The following GRID2 variants were observed in gnomAD, a reference collection of about 807,000 sequenced individuals.
The protein encoded by GRID2 is glutamate ionotropic receptor delta type subunit 2, also known as glutamate receptor ionotropic, delta-2.
In GRID2, 33 loss-of-function variants were observed where a neutral mutation model predicts 114.8. The ratio of observed to expected loss-of-function variants is 0.29; its 90% CI spans 0.22 to 0.38. The LOEUF (loss-of-function observed/expected upper bound fraction) is 0.38. Ranked by LOEUF, GRID2 falls within the 10% of genes least tolerant of loss-of-function variation. GRID2 has a pLI of 1.00. For synonymous variants in GRID2, 505 were observed against 449.9 expected (o/e 1.12, Z -1.55); for missense variants, 1,184 against 1,257.7 (o/e 0.94, Z 0.89).
At chr4:92,510,804 G>T (rs1018195238) in intron 1 of GRID2, among the ~76,000 whole-genome samples, 1 of 149,200 alleles carries the variant, frequency 6.7e-6, no homozygotes, top group South Asian at 2.1e-4. Flanking sequence ...GCATATATAC[G>T]TATTAAAACA....
chr4:92,714,423 A>G (rs953815952), intron 2 of GRID2, among the ~76,000 whole-genome samples: 2 of 152,152 alleles, frequency 1.3e-5, no homozygotes, highest in Non-Finnish European at 2.9e-5. Flanking sequence ...GTGGTCTACC[A>G]TTCTGGGGTC....
intron 4 of GRID2, among the ~76,000 whole-genome samples, chr4:93,202,944 A>G (rs1226336209): frequency 2.6e-5 from 4 of 152,078 alleles, no homozygotes; most frequent in African/African-American, 7.2e-5. Flanking sequence ...CTGAATATAT[A>G]TATATCATAC....
chr4:93,468,258 AGG>A (rs1724480221), intron 11 of GRID2, among the ~76,000 whole-genome samples: 2 of 152,322 alleles, frequency 1.3e-5, no homozygotes, highest in Non-Finnish European at 1.5e-5. Flanking sequence ...GTAATGTGCC[AGG>A]CACTATTCAA....
chr4:93,140,252 G>A (rs1197835016), intron 4 of GRID2, among the ~76,000 whole-genome samples: 1 of 146,684 alleles, frequency 6.8e-6, no homozygotes, highest in Non-Finnish European at 1.5e-5. Flanking sequence ...TACGCCTCCC[G>A]GGTTCACGCC....
intron 8 of GRID2, among the ~76,000 whole-genome samples, chr4:93,307,683 T>C (rs1755576881): frequency 6.6e-6 from 1 of 152,142 alleles, no homozygotes; most frequent in Admixed American, 6.5e-5. Context: ...ACCCGAAATA[T>C]AACTTAAATT....
chr4:92,549,243 G>A (rs1393502287), intron 1 of GRID2, among the ~76,000 whole-genome samples: 1 of 152,008 alleles, frequency 6.6e-6, no homozygotes, highest in African/African-American at 2.4e-5. Flanking sequence ...TTTGTTGGAT[G>A]TAATTTATAC....
At chr4:93,335,725 GTCATT>G (rs1759007188) in intron 8 of GRID2, among the ~76,000 whole-genome samples, 1 of 134,720 alleles carries the variant, frequency 7.4e-6, no homozygotes, top group South Asian at 2.3e-4. Flanking sequence ...GTCTCACTCT[GTCATT>G]CAGCATTCAG....
chr4:92,849,948 T>C (rs1743644683), intron 2 of GRID2, among the ~76,000 whole-genome samples: 1 of 151,640 alleles, frequency 6.6e-6, no homozygotes. Context: ...GATTATAATA[T>C]ATTTTATAGC....
intron 14 of GRID2, among the ~76,000 whole-genome samples, chr4:93,656,432 A>G (rs1166747635): frequency 6.7e-6 from 1 of 149,174 alleles, no homozygotes; most frequent in African/African-American, 2.5e-5. Flanking sequence ...CCTATTTGCT[A>G]TTTTTGAAAA....
At chr4:92,645,760 G>A (rs999781742) in intron 2 of GRID2, among the ~76,000 whole-genome samples, 1 of 151,470 alleles carries the variant, frequency 6.6e-6, no homozygotes, top group Non-Finnish European at 1.5e-5. Context: ...CTTCCCTCAG[G>A]CTTTTGAGAC....
intron 2 of GRID2, among the ~76,000 whole-genome samples, chr4:92,684,707 C>G (rs1733815867): frequency 6.6e-6 from 1 of 151,982 alleles, no homozygotes; most frequent in African/African-American, 2.4e-5. Context: ...CACACATTAC[C>G]TGAAGGTATT....
intron 2 of GRID2, among the ~76,000 whole-genome samples, chr4:92,962,793 G>A (rs1752909475): frequency 6.6e-6 from 1 of 151,884 alleles, no homozygotes; most frequent in African/African-American, 2.4e-5. Flanking sequence ...TCCACACTGA[G>A]TCTCCAGCAA....
intron 2 of GRID2, among the ~76,000 whole-genome samples, chr4:93,074,496 A>T (rs1729086828): frequency 6.6e-6 from 1 of 152,322 alleles, no homozygotes; most frequent in Middle Eastern, 3.4e-3. Context: ...AAGGTAAACT[A>T]AAGCAGTACA....
intron 1 of GRID2, among the ~76,000 whole-genome samples, chr4:92,574,043 C>T (rs540841476): frequency 2.4e-4 from 36 of 152,202 alleles, no homozygotes; most frequent in African/African-American, 7.7e-4. Flanking sequence ...TGAATTGAAC[C>T]CTTTACCTTT....
intron 1 of GRID2, among the ~76,000 whole-genome samples, chr4:93,805,668 T>C (rs977473402): frequency 1.3e-5 from 2 of 152,232 alleles, no homozygotes; most frequent in Non-Finnish European, 2.9e-5. Context: ...GATGCAGGCC[T>C]AAGTTAAGAT....
intron 8 of GRID2, among the ~76,000 whole-genome samples, chr4:93,281,584 CA>C (rs770054551): frequency 3.9e-5 from 6 of 152,120 alleles, no homozygotes; most frequent in Non-Finnish European, 7.4e-5. Flanking sequence ...GTGCAATTCA[CA>C]TAATATAGTG....
chr4:93,382,907 T>A (rs1763991070), intron 8 of GRID2, among the ~76,000 whole-genome samples: 1 of 138,662 alleles, frequency 7.2e-6, no homozygotes, highest in South Asian at 2.2e-4. Context: ...ATTTCCTAGG[T>A]TTTCCCCTTT....
At chr4:92,361,771 C>T (rs184096743) in intron 1 of GRID2, among the ~76,000 whole-genome samples, 51 of 152,054 alleles carry the variant, frequency 3.4e-4, no homozygotes, top group Admixed American at 2.4e-3. Flanking sequence ...GCCTCAAGTA[C>T]GCATGATTCT....
chr4:92,932,589 T>C (rs1206835019), intron 2 of GRID2, among the ~76,000 whole-genome samples: 1 of 151,292 alleles, frequency 6.6e-6, no homozygotes, highest in African/African-American at 2.4e-5. Flanking sequence ...AAATCATATG[T>C]CCACCAAAAT....
Sources: gnomAD v4.1 joint callset for allele counts (sites outside exome capture counted in the v4.1 genomes callset) on GRCh38, gnomAD v4.1.1 for gene constraint, MANE v1.5 for transcripts, NCBI Gene and HGNC (gene_info 2026-07-23, HGNC 2026-07-21) for gene names.